The following VPS13C variants were observed in gnomAD, a reference collection of about 807,000 sequenced individuals.
The protein encoded by VPS13C is vacuolar protein sorting 13 homolog C, also known as intermembrane lipid transfer protein VPS13C.
Under a neutral mutation model 456.8 loss-of-function variants are expected in VPS13C, and 358 were observed. The observed-to-expected ratio is 0.78, with a 90% CI of 0.72 to 0.86. The LOEUF (loss-of-function observed/expected upper bound fraction) is 0.86, where lower values mean the gene tolerates loss of function less well. Ranked by LOEUF, VPS13C falls within the 40% of genes least tolerant of loss-of-function variation. The pLI is 0.00. For synonymous variants in VPS13C, 1,578 were observed against 1,486.7 expected (o/e 1.06, Z -1.41); for missense variants, 4,818 against 4,385.4 (o/e 1.10, Z -2.79).
At chr15:61,955,389 C>T (rs886383020) in intron 37 of VPS13C, among the ~76,000 whole-genome samples, 1 of 152,186 alleles carries the variant, frequency 6.6e-6, no homozygotes, top group Admixed American at 6.6e-5. Context: ...ACAGTCTTCA[C>T]TCGCCACTGT....
Position 61,963,858 on chromosome 15 carries a change from T to C in VPS13C, c.3308A>G (p.Asn1103Ser). 3 of 1,610,950 alleles carry C rather than the reference T, an allele frequency of 1.9e-6. No individual in the cohort carries two copies. Among genetic ancestry groups the C allele is most frequent in the South Asian group, 1.1e-5 (1 of 90,404 alleles). Residue 1103 changes from asparagine (N) to serine (S), a missense_variant, in exon 32 of 85, where the codon AAT becomes AGT. Asn to Ser is a conservative substitution (Grantham distance 46). Transcript: ENST00000644861. ...ACCTTGAATCTTGATTTCGGCGATATTGTTCTTTTCGTTGCAAACAATGAC... is the reference window on the plus strand; with the variant it reads ...ACCTTGAATCTTGATTTCGGCGATACTGTTCTTTTCGTTGCAAACAATGAC... Reference protein sequence around the residue: ...FCVIVCNEKNNIAEIKIQGLD... With the variant: ...FCVIVCNEKNSIAEIKIQGLD...
At chr15:61,923,725 C>G (rs1406553175) in intron 53 of VPS13C, among the ~76,000 whole-genome samples, 3 of 149,672 alleles carry the variant, frequency 2.0e-5, no homozygotes, top group Non-Finnish European at 4.4e-5. Context: ...AAAGCAGGAT[C>G]TAGTATGTAT....
At chr15:61,963,453 T>C (rs1596390182) in intron 32 of VPS13C, among the ~76,000 whole-genome samples, 1 of 151,904 alleles carries the variant, frequency 6.6e-6, no homozygotes, top group Non-Finnish European at 1.5e-5. Context: ...TACATAATTA[T>C]ATATAAAAAT....
At chr15:61,865,314 ATAATT>A (rs1391041492) in intron 81 of VPS13C, 2 of 980,436 alleles carry the variant, frequency 2.0e-6, no homozygotes, top group African/African-American at 1.7e-5. Context: ...TGTTAGTAGA[ATAATT>A]TAATGTCATG....
chr15:61,982,665 A>G, intron 20 of VPS13C, 92 bp from the exon 21 acceptor site: 3 of 792,130 alleles, frequency 3.8e-6, no homozygotes, highest in South Asian at 3.8e-5. Context: ...AAACAGCTGT[A>G]GCTTTGAACT....
chr15:61,931,941 T>C (rs900483467), intron 49 of VPS13C, among the ~76,000 whole-genome samples: 2 of 152,142 alleles, frequency 1.3e-5, no homozygotes, highest in Non-Finnish European at 2.9e-5. Context: ...TTATGAGGTT[T>C]ACAAGAAAGA....
chr15:62,007,920 C>T (rs1270825944), intron 14 of VPS13C, among the ~76,000 whole-genome samples: 1 of 151,992 alleles, frequency 6.6e-6, no homozygotes, highest in African/African-American at 2.4e-5. Context: ...TCCTGGCCAA[C>T]ATGGTGAAAC....
intron 20 of VPS13C, 39 bp from the exon 21 acceptor site, chr15:61,982,612 G>C (rs1454528607): frequency 7.0e-7 from 1 of 1,428,638 alleles, no homozygotes; most frequent in Non-Finnish European, 9.6e-7. Context: ...AGTTACACAT[G>C]GTTCTTTCCA....
At chr15:61,937,662 G>T (rs143955163) in intron 47 of VPS13C, among the ~76,000 whole-genome samples, 1 of 152,164 alleles carries the variant, frequency 6.6e-6, no homozygotes, top group African/African-American at 2.4e-5. Context: ...TTTTAGTAGA[G>T]ACGTGGTTTC....
At chr15:62,047,121 G>A (rs899838126) in intron 1 of VPS13C, among the ~76,000 whole-genome samples, 6 of 151,536 alleles carry the variant, frequency 4.0e-5, no homozygotes, top group Non-Finnish European at 7.4e-5. Context: ...CCCCAGACAC[G>A]TAAGAATAAC....
intron 24 of VPS13C, among the ~76,000 whole-genome samples, chr15:61,976,210 G>A (rs556929397): frequency 2.0e-5 from 3 of 151,974 alleles, no homozygotes; most frequent in South Asian, 4.2e-4. Context: ...GAGGTTAATC[G>A]GTAATGAAAA....
At chr15:62,004,273 A>G (rs908327996) in intron 15 of VPS13C, among the ~76,000 whole-genome samples, 1 of 151,282 alleles carries the variant, frequency 6.6e-6, no homozygotes, top group Admixed American at 6.6e-5. Context: ...CGAGGAATTT[A>G]TCCATTTCTT....
intron 5 of VPS13C, among the ~76,000 whole-genome samples, chr15:62,031,571 A>C (rs2047821680): frequency 6.6e-6 from 1 of 152,040 alleles, no homozygotes; most frequent in Non-Finnish European, 1.5e-5. Flanking sequence ...TCCTGAATTC[A>C]TCTTTTAGTC....
chr15:61,990,036 A>G (rs1005840899), intron 18 of VPS13C, among the ~76,000 whole-genome samples: 1 of 152,220 alleles, frequency 6.6e-6, no homozygotes, highest in African/African-American at 2.4e-5. Flanking sequence ...GTATTTTCAA[A>G]TAACTGAATC....
chr15:61,939,634 G>A (rs2044347717), intron 47 of VPS13C, among the ~76,000 whole-genome samples: 1 of 152,050 alleles, frequency 6.6e-6, no homozygotes, highest in Non-Finnish European at 1.5e-5. Flanking sequence ...ATACTTCCAC[G>A]ACTACCTTCA....
At chr15:61,972,484 G>A in intron 27 of VPS13C, 141 bp downstream of exon 27, 1 of 705,722 alleles carries the variant, frequency 1.4e-6, no homozygotes. Flanking sequence ...GTGTGAGAGT[G>A]TGTATGTGCA....
At chr15:62,056,821 A>G (rs12592402) in intron 1 of VPS13C, among the ~76,000 whole-genome samples, 59,963 of 152,144 alleles carry the variant, frequency 0.39, 13,032 homozygotes, top group Admixed American at 0.51. Context: ...TAACGGCATA[A>G]GCTATCTTTC....
intron 67 of VPS13C, among the ~76,000 whole-genome samples, chr15:61,886,001 G>T (rs1403229225): frequency 1.3e-5 from 2 of 152,062 alleles, no homozygotes; most frequent in African/African-American, 4.8e-5. Context: ...TGACTATTGA[G>T]GTTGTTCTGA....
chr15:61,959,636 G>C, intron 35 of VPS13C, 41 bp from the exon 36 acceptor site: 1 of 1,571,050 alleles, frequency 6.4e-7, no homozygotes, highest in Non-Finnish European at 8.7e-7. Context: ...TAGATATAGG[G>C]TAGAAATGCA....
Sources: gnomAD v4.1 joint callset for allele counts (sites outside exome capture counted in the v4.1 genomes callset) on GRCh38, gnomAD v4.1.1 for gene constraint, MANE v1.5 for transcripts, NCBI Gene and HGNC (gene_info 2026-07-23, HGNC 2026-07-21) for gene names.